The following RYR2 variants were observed in gnomAD, a reference collection of about 807,000 sequenced individuals.
RYR2 encodes the protein cardiac muscle ryanodine receptor-calcium release channel.
RYR2 carries 227 observed loss-of-function variants against 601.1 expected under a neutral mutation model. That is an observed-to-expected ratio of 0.38 (90% confidence interval 0.34 to 0.42). The LOEUF is 0.42. Among genes scored for constraint, RYR2 ranks in the 10% least tolerant of loss-of-function variants. The probability of loss-of-function intolerance (pLI) is 1.00; values close to 1 mark genes in which losing one functional copy is unlikely to be tolerated. For synonymous variants in RYR2, 2,223 were observed against 2,175.1 expected (o/e 1.02, Z -0.61); for missense variants, 4,646 against 6,156.5 (o/e 0.75, Z 8.21).
chr1:237,792,842 T>C (rs1426084446), intron 94 of RYR2, among the ~76,000 whole-genome samples: 1 of 152,220 alleles, frequency 6.6e-6, no homozygotes, highest in African/African-American at 2.4e-5. Context: ...CTTATAGAAA[T>C]ATATTGTGTC....
chr1:237,128,200 C>T (rs535860305), intron 1 of RYR2, among the ~76,000 whole-genome samples: 2 of 152,182 alleles, frequency 1.3e-5, no homozygotes, highest in Non-Finnish European at 2.9e-5. Context: ...CTGGCCAACA[C>T]AGCGAAACCC....
chr1:237,377,216 C>T (rs981803952), intron 7 of RYR2, 107 bp from the exon 8 acceptor site: 89 of 699,422 alleles, frequency 1.3e-4, no homozygotes, highest in Non-Finnish European at 1.9e-4. Flanking sequence ...GATTAATTTG[C>T]ATTAATTCCG....
intron 25 of RYR2, among the ~76,000 whole-genome samples, chr1:237,535,212 C>T (rs371458554): frequency 4.7e-5 from 7 of 150,530 alleles, no homozygotes; most frequent in South Asian, 2.1e-4. Flanking sequence ...TTGGTGGGGG[C>T]GGGATGAAAT....
At chr1:237,593,133 A>G (rs1047498057) in intron 32 of RYR2, among the ~76,000 whole-genome samples, 1 of 152,162 alleles carries the variant, frequency 6.6e-6, no homozygotes, top group African/African-American at 2.4e-5. Flanking sequence ...TACACTGTAT[A>G]TGTGCACATA....
chr1:237,635,070 A>G (rs1680737759), intron 44 of RYR2, 78 bp downstream of exon 44: 1 of 1,142,362 alleles, frequency 8.8e-7, no homozygotes, highest in African/African-American at 1.6e-5. Flanking sequence ...AATATAAGTA[A>G]GGTTGGTGCA....
intron 1 of RYR2, among the ~76,000 whole-genome samples, chr1:237,086,768 G>A (rs1666380661): frequency 6.6e-6 from 1 of 152,160 alleles, no homozygotes. Context: ...TGGGAGGAAA[G>A]GTCACAGGCA....
chr1:237,775,833 G>A (rs1694620390), intron 87 of RYR2, among the ~76,000 whole-genome samples: 1 of 152,174 alleles, frequency 6.6e-6, no homozygotes. Context: ...GAAAAAGAAA[G>A]CAAGGCACCA....
chr1:237,096,395 G>C (rs1188229635), intron 1 of RYR2, among the ~76,000 whole-genome samples: 1 of 152,072 alleles, frequency 6.6e-6, no homozygotes. Context: ...TTTCAACCTA[G>C]AAATGTACAC....
chr1:237,174,511 C>T (rs1413976630), intron 1 of RYR2, among the ~76,000 whole-genome samples: 1 of 152,114 alleles, frequency 6.6e-6, no homozygotes, highest in Non-Finnish European at 1.5e-5. Context: ...AATCTTCCTC[C>T]CTCACTGTTC....
At chr1:237,316,171 T>C (rs990259166) in intron 2 of RYR2, among the ~76,000 whole-genome samples, 1 of 152,210 alleles carries the variant, frequency 6.6e-6, no homozygotes, top group Admixed American at 6.5e-5. Context: ...TTCCCTTTTA[T>C]GTCAGAGTTT....
intron 1 of RYR2, among the ~76,000 whole-genome samples, chr1:237,065,889 G>A (rs1663543473): frequency 6.6e-6 from 1 of 152,174 alleles, no homozygotes; most frequent in African/African-American, 2.4e-5. Flanking sequence ...TGGAGCAGGA[G>A]GAAGTGTGGG....
chr1:237,719,668 G>T (rs562919790), intron 73 of RYR2, among the ~76,000 whole-genome samples: 2 of 152,064 alleles, frequency 1.3e-5, no homozygotes, highest in African/African-American at 4.8e-5. Flanking sequence ...ACCAGGCCCC[G>T]CCTCCAACAC....
intron 1 of RYR2, among the ~76,000 whole-genome samples, chr1:237,066,711 G>A (rs371791635): frequency 6.6e-6 from 1 of 150,958 alleles, no homozygotes; most frequent in Non-Finnish European, 1.5e-5. Flanking sequence ...GTGCAATCTC[G>A]GCTCACTGCA....
At position 237,595,515 on chromosome 1, in the gene RYR2, G is replaced by T. The variant is rs1675793863; in HGVS notation, c.4454G>T (p.Cys1485Phe). The part of the protein sequence containing the change: ...KVHESIKRSN[C>F]YMVCAGESMS... The stretch of plus-strand genomic sequence containing the variant: ...AAATTCAGCATCAAACGCAGCAACT[G>T]CTATATGGTATGTGCGGGTGAGAGC... Residue 1485 changes from cysteine to phenylalanine, a missense_variant, in exon 34 of 105, where the codon TGC becomes TTC. Physicochemically the swap from Cys to Phe is radical, Grantham distance 205 (BLOSUM62 -2). Coordinates refer to ENST00000366574, the MANE Select transcript of RYR2 (RefSeq NM_001035.3). 1 of 1,611,946 alleles carries T rather than the reference G, an allele frequency of 6.2e-7. No individual in the cohort carries two copies. The highest frequency in any genetic ancestry group is 8.5e-7 in the Non-Finnish European group (1 of 1,179,210).
chr1:237,571,058 G>A (rs1375910582), intron 29 of RYR2, among the ~76,000 whole-genome samples: 1 of 152,066 alleles, frequency 6.6e-6, no homozygotes, highest in Non-Finnish European at 1.5e-5. Flanking sequence ...GTCCAGGGAG[G>A]TCGAGACTGC....
intron 80 of RYR2, among the ~76,000 whole-genome samples, chr1:237,748,198 G>A (rs1692241584): frequency 6.6e-6 from 1 of 152,072 alleles, no homozygotes; most frequent in Non-Finnish European, 1.5e-5. Context: ...AGAAGATAGA[G>A]TGTTCTTGAG....
intron 27 of RYR2, among the ~76,000 whole-genome samples, chr1:237,554,213 G>T (rs1046436870): frequency 1.4e-4 from 22 of 151,884 alleles, no homozygotes; most frequent in African/African-American, 4.8e-4. Flanking sequence ...ATAGGGTCAT[G>T]AATTTTGTCC....
At chr1:237,122,154 G>A (rs1052998830) in intron 1 of RYR2, among the ~76,000 whole-genome samples, 4 of 152,204 alleles carry the variant, frequency 2.6e-5, no homozygotes, top group Admixed American at 6.5e-5. Flanking sequence ...TTGGGGTTGC[G>A]GTTGGAGGCC....
At chr1:237,410,112 C>G (rs1249854081) in intron 10 of RYR2, among the ~76,000 whole-genome samples, 2 of 152,180 alleles carry the variant, frequency 1.3e-5, no homozygotes, top group African/African-American at 4.8e-5. Flanking sequence ...TAGAGCCCCT[C>G]TCAAAGTGTC....
Sources: allele counts gnomAD v4.1 joint callset (sites outside exome capture counted in the v4.1 genomes callset), GRCh38; gene constraint gnomAD v4.1.1; transcripts MANE v1.5; gene names NCBI Gene and HGNC (gene_info 2026-07-23, HGNC 2026-07-21).